Variants in PPHLN1 observed in about 807,000 individuals in gnomAD.
PPHLN1 encodes periphilin-1.
PPHLN1 carries 29 observed loss-of-function variants against 51.3 expected under a neutral mutation model. The ratio of observed to expected loss-of-function variants is 0.57; its 90% CI spans 0.42 to 0.77. The LOEUF (loss-of-function observed/expected upper bound fraction) is 0.77, where lower values mean the gene tolerates loss of function less well. Among genes scored for constraint, PPHLN1 ranks in the 30% least tolerant of loss-of-function variants. PPHLN1 has a pLI of 0.00. For missense variants in PPHLN1, 436 were observed against 438.4 expected (o/e 0.99, Z 0.05); for synonymous variants, 147 against 147.8 (o/e 0.99, Z 0.04).
At chr12:42,346,657 A>G (rs2072377312) in intron 2 of PPHLN1, among the ~76,000 whole-genome samples, 1 of 152,158 alleles carries the variant, frequency 6.6e-6, no homozygotes, top group Admixed American at 6.5e-5. Context: ...TACTTTCTCT[A>G]GGAATTTCCA....
At position 42,390,434 on chromosome 12, in the gene PPHLN1, A is replaced by G. The variant is rs554500290; in HGVS notation, c.648+2899A>G. 3.3e-5 allele frequency among the ~76,000 whole-genome samples: 5 copies of G among 152,342 alleles called. No individual in the cohort carries two copies. The South Asian group carries it at 1.0e-3, about 32-fold the overall frequency. ...AGTCACTACAAAAATTCAAATTATT[A>G]TATATGAAATATTTTCTCTGAAATA... On this transcript the variant is annotated intron_variant, in intron 7 of 9. Transcript: ENST00000358314.
chr12:42,408,415 A>T (rs2079510968), intron 9 of PPHLN1, among the ~76,000 whole-genome samples: 1 of 151,772 alleles, frequency 6.6e-6, no homozygotes, highest in Admixed American at 6.6e-5. Flanking sequence ...AATGGCAAAA[A>T]CCACAATTAC....
chr12:42,375,279 A>G (rs577309163), intron 5 of PPHLN1: 40 of 396,252 alleles, frequency 1.0e-4, no homozygotes, highest in Non-Finnish European at 1.5e-4. Flanking sequence ...GGCATTCTGC[A>G]TGACACTTAC....
rs540624969 is a variant in PPHLN1, at chr12:42,429,950, T to C, written c.910-11365T>C. Among the ~76,000 whole-genome samples, 4 of 152,340 alleles carry C rather than the reference T, an allele frequency of 2.6e-5. No individual in the cohort carries two copies. In the South Asian group the frequency reaches 8.3e-4, roughly 32 times the overall value. On this transcript the variant is annotated intron_variant, in intron 9 of 9. Transcript: ENST00000358314. Reference sequence around the variant, plus strand: ...CCATTTCTGGATGTAATAAGAAATATATATTTGGCTTCTGCCCCCATTTCT... The same window carrying C: ...CCATTTCTGGATGTAATAAGAAATACATATTTGGCTTCTGCCCCCATTTCT...
chr12:42,375,666 A>ATTTTAT (rs1169283099), intron 5 of PPHLN1, among the ~76,000 whole-genome samples: 1 of 151,814 alleles, frequency 6.6e-6, no homozygotes, highest in African/African-American at 2.4e-5. Context: ...CCCCAATTTT[A>ATTTTAT]TTTTATTTTT....
intron 6 of PPHLN1, among the ~76,000 whole-genome samples, chr12:42,385,396 T>C (rs2077110788): frequency 6.6e-6 from 1 of 152,216 alleles, no homozygotes; most frequent in Admixed American, 6.5e-5. Context: ...TGTGGGTATA[T>C]GATAAACCTC....
At chr12:42,421,126 T>C (rs1420860881) in intron 9 of PPHLN1, among the ~76,000 whole-genome samples, 1 of 152,152 alleles carries the variant, frequency 6.6e-6, no homozygotes, top group Non-Finnish European at 1.5e-5. Flanking sequence ...TTTGATTTTA[T>C]AGTTTTAGAT....
chr12:42,382,890 C>G (rs778542547), intron 5 of PPHLN1, among the ~76,000 whole-genome samples: 3 of 152,026 alleles, frequency 2.0e-5, no homozygotes, highest in Non-Finnish European at 4.4e-5. Context: ...AGCACATCAG[C>G]GGAAACTTTG....
chr12:42,425,993 C>G (rs1427560502), intron 9 of PPHLN1, among the ~76,000 whole-genome samples: 1 of 152,150 alleles, frequency 6.6e-6, no homozygotes, highest in Admixed American at 6.5e-5. Context: ...TTTAACCAAC[C>G]AAAGCATAAG....
rs377371947 is a variant in PPHLN1 at position 42,349,598 on chromosome 12, T to C, written c.73-2287T>C. On this transcript the variant is annotated intron_variant, in intron 2 of 9. Transcript: ENST00000358314. ...TCCCTGGGTACTTGAGATTAGGGAG[T>C]GGTGATGACTCTTAACGAGCATGCT... 2.3e-3 allele frequency among the ~76,000 whole-genome samples: 349 copies of C among 151,978 alleles called. 4 individuals are homozygous for C. The highest frequency in any genetic ancestry group is 0.013 in the East Asian group (68 of 5,150).
chr12:42,345,202 A>G (rs981729276), intron 2 of PPHLN1, among the ~76,000 whole-genome samples: 13 of 152,186 alleles, frequency 8.5e-5, no homozygotes, highest in African/African-American at 3.1e-4. Context: ...TATTCTGACC[A>G]GATTCTCATT....
intron 2 of PPHLN1, among the ~76,000 whole-genome samples, chr12:42,337,338 A>G (rs1259191237): frequency 1.4e-5 from 2 of 146,834 alleles, no homozygotes; most frequent in East Asian, 4.0e-4. Flanking sequence ...GTCTTGGCTC[A>G]TTCACTCTTG....
At chr12:42,388,163 T>C (rs188678902) in intron 7 of PPHLN1, among the ~76,000 whole-genome samples, 83 of 152,262 alleles carry the variant, frequency 5.5e-4, no homozygotes, top group Non-Finnish European at 9.7e-4. Context: ...GGTGGATTAT[T>C]AAAAGAGGAA....
chr12:42,446,091 A>G (rs762852167), downstream of PPHLN1: 11 of 1,551,952 alleles, frequency 7.1e-6, no homozygotes, highest in Admixed American at 1.6e-4. Flanking sequence ...CAGGCCCCGC[A>G]GCCCCTGCAG....
intron 9 of PPHLN1, chr12:42,400,000 A>T (rs1375699848): frequency 6.6e-6 from 1 of 152,202 alleles, no homozygotes. Context: ...TAACACAAAG[A>T]TGAATGTCTT....
At chr12:42,351,789 C>T (rs903486080) in intron 2 of PPHLN1, 96 bp from the exon 3 acceptor site, 13 of 959,726 alleles carry the variant, frequency 1.4e-5, no homozygotes, top group Middle Eastern at 3.0e-4. Context: ...TTAGCTCATT[C>T]GATTAAGGGT....
intron 4 of PPHLN1, among the ~76,000 whole-genome samples, chr12:42,357,045 A>G (rs2074120774): frequency 6.6e-6 from 1 of 152,210 alleles, no homozygotes; most frequent in African/African-American, 2.4e-5. Context: ...TGAAAACTGT[A>G]ATGAGTGATA....
intron 8 of PPHLN1, among the ~76,000 whole-genome samples, chr12:42,398,055 T>C (rs2078433245): frequency 6.6e-6 from 1 of 152,066 alleles, no homozygotes; most frequent in African/African-American, 2.4e-5. Flanking sequence ...GTGGCTCTTC[T>C]TTGCTACTTC....
Position 42,384,964 on chromosome 12 carries a change from A to G in PPHLN1, c.536A>G (p.Tyr179Cys). Residue 179 changes from tyrosine to cysteine, a missense_variant, in exon 6 of 10, where the codon TAC (tyrosine) becomes TGC (cysteine). Tyr to Cys is a radical substitution (Grantham distance 194, BLOSUM62 -2). Transcript: ENST00000358314. ...HRKSVRPGASYKRQNEGNPER... is the reference protein window; with the variant it reads ...HRKSVRPGASCKRQNEGNPER... ...GAGTCCGTGCGTCCTGGTGCCTCCT[A>G]CAAACGGCAGAATGAAGGAAATCCT... 2.5e-6 allele frequency: 4 copies of G among 1,612,282 alleles called. No homozygotes were observed. The highest frequency in any genetic ancestry group is 3.4e-6 in the Non-Finnish European group (4 of 1,178,350).
Sources: gnomAD v4.1 joint callset for allele counts (sites outside exome capture counted in the v4.1 genomes callset) on GRCh38, gnomAD v4.1.1 for gene constraint, MANE v1.5 for transcripts, NCBI Gene and HGNC (gene_info 2026-07-23, HGNC 2026-07-21) for gene names.